Variants in NEBL observed in about 807,000 individuals in gnomAD.
The protein encoded by NEBL is LIM and SH3 protein 2.
In NEBL, 122 loss-of-function variants were observed where a neutral mutation model predicts 140.2. The observed-to-expected ratio is 0.87, with a 90% CI of 0.75 to 1.01. The LOEUF (loss-of-function observed/expected upper bound fraction) is 1.01. NEBL is among the 50% of genes least tolerant of loss of function. The pLI, the probability that NEBL is intolerant of heterozygous loss-of-function variation, is 0.00. For synonymous variants in NEBL, 436 were observed against 398.9 expected (o/e 1.09, Z -1.11); for missense variants, 1,365 against 1,231.3 (o/e 1.11, Z -1.62).
intron 9 of NEBL, among the ~76,000 whole-genome samples, chr10:20,856,782 C>A (rs1843122127): frequency 6.6e-6 from 1 of 151,892 alleles, no homozygotes; most frequent in Admixed American, 6.6e-5. Flanking sequence ...TGCTTTTCAT[C>A]CAAGGACCAA....
At chr10:21,288,829 TATATATATATATATATATATAA>T (rs1456295997) in intron 1 of NEBL, among the ~76,000 whole-genome samples, 6 of 75,146 alleles carry the variant, frequency 8.0e-5, no homozygotes, top group African/African-American at 2.4e-4. Context: ...TGTATATATA[TATATATATATATATATATATAA>T]AAATTTTTTT....
At chr10:20,983,224 A>G (rs1203553097) in intron 3 of NEBL, among the ~76,000 whole-genome samples, 1 of 152,218 alleles carries the variant, frequency 6.6e-6, no homozygotes, top group Non-Finnish European at 1.5e-5. Context: ...GAATGCTGAG[A>G]CTTTACGATT....
At chr10:21,016,192 G>A (rs1349652883) in intron 3 of NEBL, among the ~76,000 whole-genome samples, 1 of 152,238 alleles carries the variant, frequency 6.6e-6, no homozygotes, top group Admixed American at 6.5e-5. Flanking sequence ...CCTCTTGACT[G>A]CCAAGGTCCA....
intron 3 of NEBL, among the ~76,000 whole-genome samples, chr10:21,225,177 T>A (rs748150876): frequency 6.6e-6 from 1 of 152,208 alleles, no homozygotes; most frequent in Non-Finnish European, 1.5e-5. Flanking sequence ...GAGTAAGATC[T>A]TGAAGAATCC....
chr10:21,137,269 T>C (rs541623422), intron 2 of NEBL, among the ~76,000 whole-genome samples: 1 of 152,366 alleles, frequency 6.6e-6, no homozygotes, highest in South Asian at 2.1e-4. Flanking sequence ...ATCTGGCATC[T>C]GGTACTTAAT....
intron 1 of NEBL, among the ~76,000 whole-genome samples, chr10:21,258,432 C>T (rs1842693655): frequency 6.6e-6 from 1 of 152,066 alleles, no homozygotes; most frequent in Non-Finnish European, 1.5e-5. Flanking sequence ...AGGCCAGGAG[C>T]TGTGGCTCGT....
chr10:20,937,086 C>G (rs1009291143), intron 4 of NEBL, among the ~76,000 whole-genome samples: 2 of 152,182 alleles, frequency 1.3e-5, no homozygotes, highest in African/African-American at 4.8e-5. Flanking sequence ...CCCAATGACA[C>G]AGGCTCAGCT....
intron 2 of NEBL, among the ~76,000 whole-genome samples, chr10:21,053,858 C>A (rs1458593235): frequency 6.6e-6 from 1 of 152,004 alleles, no homozygotes; most frequent in Admixed American, 6.6e-5. Context: ...TGTGGTGAAG[C>A]CCAGTCACTA....
intron 4 of NEBL, among the ~76,000 whole-genome samples, chr10:20,943,094 T>C (rs1454956792): frequency 2.0e-5 from 3 of 152,240 alleles, no homozygotes; most frequent in South Asian, 2.1e-4. Context: ...ACTGGGTATA[T>C]ACCCAAAGGA....
At chr10:20,990,369 G>C (rs58569619) in intron 3 of NEBL, among the ~76,000 whole-genome samples, 1 of 152,022 alleles carries the variant, frequency 6.6e-6, no homozygotes, top group Non-Finnish European at 1.5e-5. Flanking sequence ...GATGGCCTTC[G>C]GGAGGTAATT....
chr10:20,808,433 A>G lies in NEBL; in HGVS notation c.2761+77T>C. On this transcript the variant is annotated intron_variant, in intron 26 of 27. Transcript: ENST00000377122. ...AGGATAGATGTTCATGCAAAAGTGA[A>G]AAGAATTTTAAAGACACTCTTGTGA... 5 of 1,473,170 alleles carry G rather than the reference A, an allele frequency of 3.4e-6. No homozygotes were observed. The South Asian group carries it at 5.7e-5, about 17-fold the overall frequency. 91.3% of individuals were successfully genotyped at this position (1,473,170 alleles called of 1,614,324 possible). A position where few individuals can be genotyped will look rare whatever the true frequency, so the allele number is the denominator to read the frequency against.
chr10:21,147,095 A>G (rs1839927485), intron 2 of NEBL, among the ~76,000 whole-genome samples: 2 of 152,134 alleles, frequency 1.3e-5, no homozygotes, highest in Non-Finnish European at 2.9e-5. Flanking sequence ...CTTTCCAATA[A>G]TATTTCTTCA....
intron 2 of NEBL, among the ~76,000 whole-genome samples, chr10:21,079,277 G>A (rs887367919): frequency 6.6e-6 from 1 of 152,144 alleles, no homozygotes. Flanking sequence ...GAGGTGAAGA[G>A]GCAGTAGTAC....
intron 11 of NEBL, among the ~76,000 whole-genome samples, chr10:20,848,861 T>G (rs1003364503): frequency 6.6e-6 from 1 of 152,162 alleles, no homozygotes; most frequent in Non-Finnish European, 1.5e-5. Flanking sequence ...GAAGAAGAAA[T>G]TAAACAATTT....
At chr10:21,180,651 T>C (rs1841371468) in intron 3 of NEBL, among the ~76,000 whole-genome samples, 1 of 152,156 alleles carries the variant, frequency 6.6e-6, no homozygotes, top group Admixed American at 6.5e-5. Context: ...TCCAGAACCC[T>C]AAAAATCAAC....
At chr10:20,999,733 T>C (rs1837812154) in intron 3 of NEBL, among the ~76,000 whole-genome samples, 1 of 152,232 alleles carries the variant, frequency 6.6e-6, no homozygotes, top group Non-Finnish European at 1.5e-5. Flanking sequence ...TGAGGTCTGA[T>C]GGCTCCATGT....
chr10:21,056,783 G>A (rs1543831), intron 2 of NEBL, among the ~76,000 whole-genome samples: 59,993 of 151,952 alleles, frequency 0.39, 11,934 homozygotes, highest in Middle Eastern at 0.47. Context: ...TCACAAAATC[G>A]TCCACATGCA....
At chr10:20,931,016 T>C (rs1478740953) in intron 4 of NEBL, among the ~76,000 whole-genome samples, 1 of 152,158 alleles carries the variant, frequency 6.6e-6, no homozygotes, top group Non-Finnish European at 1.5e-5. Flanking sequence ...ATCAGTACTG[T>C]TTAGGCTTTC....
intron 3 of NEBL, among the ~76,000 whole-genome samples, chr10:20,997,088 T>C (rs546847921): frequency 2.0e-5 from 3 of 152,336 alleles, no homozygotes; most frequent in Admixed American, 1.3e-4. Context: ...CTTTGGTCAC[T>C]ACTTGGTTTT....
Sources: allele counts gnomAD v4.1 joint callset (sites outside exome capture counted in the v4.1 genomes callset), GRCh38; gene constraint gnomAD v4.1.1; transcripts MANE v1.5; gene names NCBI Gene and HGNC (gene_info 2026-07-23, HGNC 2026-07-21).